The following TMEM273 variants were observed in gnomAD, a reference collection of about 807,000 sequenced individuals.
The protein encoded by TMEM273 is chromosome 10 open reading frame 128.
A neutral mutation model predicts 17.9 loss-of-function variants in TMEM273; 19 were observed. That is an observed-to-expected ratio of 1.06 (90% CI 0.74 to 1.55). The LOEUF is 1.55. TMEM273 is among the 40% of genes most tolerant of loss of function. The pLI is 0.00. For missense variants in TMEM273, 194 were observed against 155.6 expected, an observed-to-expected ratio of 1.25 and a Z score of -1.31; for synonymous variants, 66 against 62.0, an observed-to-expected ratio of 1.07 and a Z score of -0.31.
chr10:49,171,966 C>T (rs1186035401), intron 1 of TMEM273, among the ~76,000 whole-genome samples: 1 of 152,202 alleles, frequency 6.6e-6, no homozygotes, highest in Non-Finnish European at 1.5e-5. Flanking sequence ...GTGGGATTCC[C>T]AGTTGTGGGC....
chr10:49,182,554 A>C (rs1847415953), intron 1 of TMEM273, among the ~76,000 whole-genome samples: 1 of 152,236 alleles, frequency 6.6e-6, no homozygotes, highest in African/African-American at 2.4e-5. Flanking sequence ...ATGCTTGCCA[A>C]CAGAATTAAA....
At chr10:49,158,933 C>T (rs1037364091) in intron 6 of TMEM273, among the ~76,000 whole-genome samples, 4 of 152,040 alleles carry the variant, frequency 2.6e-5, no homozygotes, top group African/African-American at 9.7e-5. Flanking sequence ...ATGTAAACAT[C>T]TTCTAATTTT....
intron 1 of TMEM273, among the ~76,000 whole-genome samples, chr10:49,184,645 T>G (rs1847552804): frequency 6.6e-6 from 1 of 152,220 alleles, no homozygotes; most frequent in Non-Finnish European, 1.5e-5. Context: ...GTATCAAGTA[T>G]TACTGAGTAT....
chr10:49,166,740 A>T (rs1846208558), intron 3 of TMEM273, 129 bp downstream of exon 3: 1 of 1,384,002 alleles, frequency 7.2e-7, no homozygotes, highest in Admixed American at 1.7e-5. Context: ...TGCAGAGGTC[A>T]CTGCCTTCCT....
intron 1 of TMEM273, among the ~76,000 whole-genome samples, chr10:49,168,663 A>G (rs944032865): frequency 7.4e-6 from 1 of 134,286 alleles, no homozygotes; most frequent in African/African-American, 2.8e-5. Context: ...AATGGAAGGA[A>G]GGAAGGAAGA....
At chr10:49,162,341 C>A (rs1845897674) in intron 5 of TMEM273, among the ~76,000 whole-genome samples, 1 of 152,118 alleles carries the variant, frequency 6.6e-6, no homozygotes, top group Non-Finnish European at 1.5e-5. Flanking sequence ...CACATATAGA[C>A]AGGCAATACA....
At chr10:49,187,144 T>C (rs1016053756) in intron 1 of TMEM273, among the ~76,000 whole-genome samples, 6 of 152,154 alleles carry the variant, frequency 3.9e-5, no homozygotes, top group Non-Finnish European at 7.3e-5. Flanking sequence ...TCTCTTACCT[T>C]CCACCACGTC....
At chr10:49,177,814 C>T (rs927495394) in intron 1 of TMEM273, among the ~76,000 whole-genome samples, 13 of 152,212 alleles carry the variant, frequency 8.5e-5, no homozygotes, top group African/African-American at 2.7e-4. Flanking sequence ...CCTGGCCTTG[C>T]CTGTCCAACA....
chr10:49,168,054 T>G lies in TMEM273; in HGVS notation c.44-92A>C, dbSNP rs1320893874. The stretch of plus-strand genomic sequence containing the variant: ...CAGAGGCCTGGGAAAGCCTACCCCA[T>G]GTACCCACCAGGAGCACAGAGGTGG... On this transcript the variant is annotated intron_variant, in intron 1 of 6. Coordinates refer to ENST00000374153, the MANE Select transcript of TMEM273 (RefSeq NM_001288740.3). 9 of 1,507,930 alleles carry G rather than the reference T, an allele frequency of 6.0e-6. No individual in the cohort carries two copies. The African/African-American group carries it at 8.3e-5, about 14-fold the overall frequency. 93.4% of individuals were successfully genotyped at this position (1,507,930 alleles called of 1,614,324 possible). A position where few individuals can be genotyped will look rare whatever the true frequency, so the allele number is the denominator to read the frequency against.
chr10:49,165,658 A>G, intron 4 of TMEM273, 108 bp downstream of exon 4: 1 of 1,478,048 alleles, frequency 6.8e-7, no homozygotes, highest in Non-Finnish European at 9.4e-7. Context: ...TCACCTAGAA[A>G]GCATGCCAGA....
At chr10:49,161,390 T>C (rs1434540839) in intron 6 of TMEM273, 3 of 626,510 alleles carry the variant, frequency 4.8e-6, no homozygotes, top group East Asian at 5.5e-5. Context: ...CACAGCTTCA[T>C]GTTAAATCTT....
intron 1 of TMEM273, among the ~76,000 whole-genome samples, chr10:49,173,243 T>G (rs1268094366): frequency 6.6e-6 from 1 of 152,246 alleles, no homozygotes; most frequent in African/African-American, 2.4e-5. Context: ...GGAAATAGCT[T>G]CTTTTTCTTA....
chr10:49,174,402 T>A (rs1017979591), intron 1 of TMEM273, among the ~76,000 whole-genome samples: 1 of 152,240 alleles, frequency 6.6e-6, no homozygotes, highest in Non-Finnish European at 1.5e-5. Flanking sequence ...GTCATGGGCC[T>A]TGGCTACACA....
chr10:49,182,002 G>A (rs1847374619), intron 1 of TMEM273, among the ~76,000 whole-genome samples: 1 of 152,142 alleles, frequency 6.6e-6, no homozygotes, highest in Non-Finnish European at 1.5e-5. Flanking sequence ...AAAGAAAAAA[G>A]CAAGCAATTC....
At chr10:49,156,964 C>T (rs902333201) in intron 6 of TMEM273, among the ~76,000 whole-genome samples, 1 of 152,126 alleles carries the variant, frequency 6.6e-6, no homozygotes, top group African/African-American at 2.4e-5. Context: ...TTTTCTCCTT[C>T]AAAAGATGGA....
intron 1 of TMEM273, among the ~76,000 whole-genome samples, chr10:49,171,670 T>A (rs577349075): frequency 5.8e-4 from 89 of 152,320 alleles, no homozygotes; most frequent in African/African-American, 2.1e-3. Flanking sequence ...CAAGAAGCCC[T>A]CTGCAAGAGT....
At position 49,156,212 on chromosome 10, in the gene TMEM273, AC is replaced by A. The variant is rs774775529; in HGVS notation, c.373-304del. 2.3e-5 allele frequency: 33 copies of A among 1,415,394 alleles called. No homozygotes were observed. In the African/African-American group the frequency reaches 4.3e-4, roughly 18 times the overall value. 87.7% of individuals were successfully genotyped at this position (1,415,394 alleles called of 1,614,324 possible). On this transcript the variant is annotated intron_variant, in intron 6 of 6. Transcript: ENST00000374153. ...GAGGTTAATAGGCATATTTTGGGAA[AC>A]TTTTCACTTTCTGTAGTTGGTGAAT...
At chr10:49,167,834 C>T in intron 2 of TMEM273, 75 bp downstream of exon 2, 3 of 1,575,618 alleles carry the variant, frequency 1.9e-6, no homozygotes, top group Non-Finnish European at 2.6e-6. Context: ...GCACTGCGGC[C>T]CTCTGCTTGC....
At chr10:49,164,470 C>T (rs1270830448) in intron 5 of TMEM273, among the ~76,000 whole-genome samples, 1 of 152,118 alleles carries the variant, frequency 6.6e-6, no homozygotes. Context: ...CACCATATAA[C>T]AAAAAATATT....
Sources: gnomAD v4.1 joint callset for allele counts (sites outside exome capture counted in the v4.1 genomes callset) on GRCh38, gnomAD v4.1.1 for gene constraint, MANE v1.5 for transcripts, NCBI Gene and HGNC (gene_info 2026-07-23, HGNC 2026-07-21) for gene names.